CRPPA: variants seen among roughly 807,000 people sequenced by gnomAD.
The protein encoded by CRPPA is CDP-L-ribitol pyrophosphorylase A.
A neutral mutation model predicts 52.0 loss-of-function variants in CRPPA; 43 were observed. The ratio of observed to expected loss-of-function variants is 0.83; its 90% CI spans 0.65 to 1.07. The LOEUF (loss-of-function observed/expected upper bound fraction) is 1.07, where lower values mean the gene tolerates loss of function less well. CRPPA is among the 50% of genes least tolerant of loss of function. CRPPA has a pLI of 0.00. For synonymous variants in CRPPA, 250 were observed against 203.5 expected (o/e 1.23, Z -1.94); for missense variants, 629 against 551.7 (o/e 1.14, Z -1.40).
intron 9 of CRPPA, among the ~76,000 whole-genome samples, chr7:16,165,737 C>T (rs960375864): frequency 6.6e-6 from 1 of 152,232 alleles, no homozygotes; most frequent in African/African-American, 2.4e-5. Context: ...TTCTCCCCCA[C>T]CCACTCCCAG....
intron 9 of CRPPA, among the ~76,000 whole-genome samples, chr7:16,170,022 C>A (rs953921529): frequency 6.6e-6 from 1 of 152,010 alleles, no homozygotes; most frequent in African/African-American, 2.4e-5. Context: ...TAGGTTGGTG[C>A]AAAAGTAATT....
At chr7:16,416,973 C>T (rs1363717107) in intron 1 of CRPPA, among the ~76,000 whole-genome samples, 2 of 152,130 alleles carry the variant, frequency 1.3e-5, no homozygotes, top group South Asian at 2.1e-4. Context: ...AAAACAAATA[C>T]CCACATTAAA....
intron 2 of CRPPA, among the ~76,000 whole-genome samples, chr7:16,384,588 T>C (rs1405398644): frequency 6.6e-6 from 1 of 152,202 alleles, no homozygotes; most frequent in Non-Finnish European, 1.5e-5. Context: ...GACAATATAA[T>C]AGAGGTCAGG....
intron 8 of CRPPA, among the ~76,000 whole-genome samples, chr7:16,219,977 A>G (rs1782454292): frequency 6.8e-6 from 1 of 146,296 alleles, no homozygotes; most frequent in Non-Finnish European, 1.5e-5. Flanking sequence ...AAAGCCGGGC[A>G]GAGACACAAC....
At chr7:16,384,206 G>A (rs1179216167) in intron 2 of CRPPA, among the ~76,000 whole-genome samples, 4 of 152,154 alleles carry the variant, frequency 2.6e-5, no homozygotes, top group Non-Finnish European at 5.9e-5. Context: ...TTTTTCACAA[G>A]TAGAAGACAA....
At chr7:16,320,943 G>C (rs181221716) in intron 3 of CRPPA, among the ~76,000 whole-genome samples, 47 of 152,268 alleles carry the variant, frequency 3.1e-4, no homozygotes, top group African/African-American at 1.1e-3. Flanking sequence ...GAAACAGTAT[G>C]AATGATCTGG....
chr7:16,263,976 A>G (rs1783887423), intron 6 of CRPPA, among the ~76,000 whole-genome samples: 1 of 152,122 alleles, frequency 6.6e-6, no homozygotes. Context: ...GTACTCTTGA[A>G]AAACCAAACT....
intron 3 of CRPPA, among the ~76,000 whole-genome samples, chr7:16,316,322 A>T (rs1785143494): frequency 6.6e-6 from 1 of 152,048 alleles, no homozygotes; most frequent in Non-Finnish European, 1.5e-5. Flanking sequence ...TGGCATGAAG[A>T]CTTTATTTTT....
At chr7:16,412,688 G>A (rs545007457) in intron 1 of CRPPA, among the ~76,000 whole-genome samples, 5 of 152,204 alleles carry the variant, frequency 3.3e-5, no homozygotes, top group African/African-American at 9.6e-5. Flanking sequence ...AGTGTCTACC[G>A]ATCAAATATT....
chr7:16,384,076 C>T (rs1027906476), intron 2 of CRPPA, among the ~76,000 whole-genome samples: 1 of 152,156 alleles, frequency 6.6e-6, no homozygotes, highest in African/African-American at 2.4e-5. Context: ...AGAAATCACC[C>T]GTCTTCTGCG....
chr7:16,376,056 A>C, intron 3 of CRPPA, 36 bp downstream of exon 3: 1 of 1,543,066 alleles, frequency 6.5e-7, no homozygotes, highest in South Asian at 1.2e-5. Flanking sequence ...GGAACCTGAC[A>C]TAACAGCAGC....
At chr7:16,341,096 A>G (rs894076449) in intron 3 of CRPPA, among the ~76,000 whole-genome samples, 1 of 152,072 alleles carries the variant, frequency 6.6e-6, no homozygotes, top group Non-Finnish European at 1.5e-5. Context: ...GTTGGGGGAG[A>G]GGGAAGGTAA....
At chr7:16,208,949 T>C (rs962225106) in intron 9 of CRPPA, 15 of 391,140 alleles carry the variant, frequency 3.8e-5, no homozygotes, top group African/African-American at 2.5e-4. Flanking sequence ...ACAAACGTGG[T>C]GAACATTCCT....
chr7:16,377,677 C>T (rs1371639825), intron 2 of CRPPA, among the ~76,000 whole-genome samples: 3 of 152,100 alleles, frequency 2.0e-5, no homozygotes, highest in Admixed American at 2.0e-4. Flanking sequence ...GTACTCAAGC[C>T]GTGACCCGTT....
intron 1 of CRPPA, among the ~76,000 whole-genome samples, chr7:16,408,755 G>A (rs112652330): frequency 6.6e-6 from 1 of 152,134 alleles, no homozygotes; most frequent in Non-Finnish European, 1.5e-5. Context: ...ATATGGAGAT[G>A]GTCCTGAATT....
At chr7:16,359,395 T>G (rs1786385669) in intron 3 of CRPPA, among the ~76,000 whole-genome samples, 1 of 152,222 alleles carries the variant, frequency 6.6e-6, no homozygotes, top group African/African-American at 2.4e-5. Flanking sequence ...AATTGCTTGG[T>G]AGTCAACAGT....
At chr7:16,330,285 T>C (rs1237615850) in intron 3 of CRPPA, among the ~76,000 whole-genome samples, 1 of 152,204 alleles carries the variant, frequency 6.6e-6, no homozygotes, top group Non-Finnish European at 1.5e-5. Context: ...TGGATTCCAT[T>C]CTCCAGAAGA....
At chr7:16,163,671 A>G (rs1780974321) in intron 9 of CRPPA, among the ~76,000 whole-genome samples, 2 of 151,892 alleles carry the variant, frequency 1.3e-5, no homozygotes, top group Admixed American at 1.3e-4. Context: ...TCCTTTCCAT[A>G]TTTAGTGCTT....
intron 3 of CRPPA, among the ~76,000 whole-genome samples, chr7:16,365,996 T>C (rs964136539): frequency 5.3e-5 from 8 of 152,192 alleles, no homozygotes; most frequent in African/African-American, 1.9e-4. Flanking sequence ...AAACAAAATA[T>C]CTCAGACTGC....
Sources: allele counts gnomAD v4.1 joint callset (sites outside exome capture counted in the v4.1 genomes callset), GRCh38; gene constraint gnomAD v4.1.1; transcripts MANE v1.5; gene names NCBI Gene and HGNC (gene_info 2026-07-23, HGNC 2026-07-21).